The following ADAM29 variants were observed in gnomAD, a reference collection of about 807,000 sequenced individuals.
ADAM29 encodes ADAM metallopeptidase domain 29, also known as disintegrin and metalloproteinase domain-containing protein 29.
For missense variants in ADAM29, 969 were observed against 1,001.8 expected (o/e 0.97, Z 0.44); for synonymous variants, 367 against 342.3 (o/e 1.07, Z -0.80).
chr4:174,961,462 T>G (rs935869105), intron 4 of ADAM29, among the ~76,000 whole-genome samples: 12 of 152,014 alleles, frequency 7.9e-5, no homozygotes, highest in Admixed American at 6.6e-4. Context: ...ATGACCCACA[T>G]AGTTACAATG....
At chr4:174,949,255 G>A (rs1300876450) in intron 4 of ADAM29, among the ~76,000 whole-genome samples, 1 of 152,148 alleles carries the variant, frequency 6.6e-6, no homozygotes, top group Non-Finnish European at 1.5e-5. Flanking sequence ...GTCACCCTGA[G>A]GCTAAAGTCT....
At chr4:174,941,698 A>G (rs1478296508) in intron 4 of ADAM29, among the ~76,000 whole-genome samples, 1 of 152,068 alleles carries the variant, frequency 6.6e-6, no homozygotes, top group Non-Finnish European at 1.5e-5. Flanking sequence ...GATTGGGGGG[A>G]CACAGAGCCA....
Position 174,923,560 on chromosome 4 carries a change from T to TATATATATATATAG in ADAM29, c.-451+2769_-451+2770insTATATATATATAGA, listed in dbSNP as rs70947473. Among the ~76,000 whole-genome samples the TATATATATATATAG allele has an allele frequency of 1.8e-3, 206 of 115,862 alleles. 5 individuals are homozygous for TATATATATATATAG. Among genetic ancestry groups the TATATATATATATAG allele is most frequent in the Middle Eastern group, 5.5e-3 (1 of 182 alleles). 76.0% of individuals were successfully genotyped at this position (115,862 alleles called of 152,430 possible). On this transcript the variant is annotated intron_variant, in intron 2 of 4. Transcript: ENST00000359240. ...ATATATATATATATATATATATATA[T>TATATATATATATAG]ACACACACACATATATATCTTTAAA...
At chr4:174,939,099 T>C (rs1466676771) in intron 4 of ADAM29, among the ~76,000 whole-genome samples, 1 of 152,040 alleles carries the variant, frequency 6.6e-6, no homozygotes, top group Admixed American at 6.6e-5. Flanking sequence ...AACTTACTTA[T>C]CTGCAAAGAG....
At chr4:174,923,525 GTATATATATATATATATATATA>G (rs58980378) in intron 2 of ADAM29, among the ~76,000 whole-genome samples, 2 of 96,692 alleles carry the variant, frequency 2.1e-5, no homozygotes, top group East Asian at 8.3e-4. Context: ...TGCATTATAT[GTATATATATATATATATATATA>G]TATATATATA....
chr4:174,963,457 T>C (rs1745971856), intron 4 of ADAM29, among the ~76,000 whole-genome samples: 1 of 152,080 alleles, frequency 6.6e-6, no homozygotes, highest in Admixed American at 6.5e-5. Context: ...GATTCAGTGG[T>C]AAAATGACAT....
At chr4:174,940,673 G>T (rs1373474807) in intron 4 of ADAM29, among the ~76,000 whole-genome samples, 3 of 151,944 alleles carry the variant, frequency 2.0e-5, no homozygotes, top group Non-Finnish European at 2.9e-5. Flanking sequence ...GCACTTAATA[G>T]ACATCACTTC....
intron 4 of ADAM29, among the ~76,000 whole-genome samples, chr4:174,948,137 T>C (rs913074002): frequency 1.4e-4 from 21 of 152,204 alleles, no homozygotes; most frequent in African/African-American, 5.1e-4. Context: ...ATGATCCATC[T>C]ACCTTCTGAA....
intron 4 of ADAM29, among the ~76,000 whole-genome samples, chr4:174,938,941 CA>C (rs1027084763): frequency 2.6e-5 from 4 of 152,128 alleles, no homozygotes; most frequent in Admixed American, 2.0e-4. Flanking sequence ...AGCATTACTG[CA>C]GTCTTTGTCT....
chr4:174,966,250 T>C (rs1432298524), intron 4 of ADAM29, among the ~76,000 whole-genome samples: 19 of 152,210 alleles, frequency 1.2e-4, no homozygotes. Flanking sequence ...TGGTTGAATC[T>C]ATGGATGTGG....
rs372771837 is a variant in ADAM29, at chr4:174,976,722, C to A, written c.1197C>A (p.Arg399=). The part of the protein sequence containing the change: ...VHTKDIFNVK[R]CGNGVVEEGE... ...CAAAGGACATCTTTAATGTGAAGCG[C>A]TGTGGGAATGGTGTTGTTGAAGAAG... Residue 399 remains arginine (R), a synonymous_variant, in exon 5 of 5, where the codon CGC becomes CGA. Transcript: ENST00000359240. 6.2e-7 allele frequency: 1 copy of A among 1,613,756 alleles called. No homozygotes were observed. Among genetic ancestry groups the A allele is most frequent in the Non-Finnish European group, 8.5e-7 (1 of 1,179,882 alleles).
intron 4 of ADAM29, among the ~76,000 whole-genome samples, chr4:174,941,701 C>T (rs138206263): frequency 6.6e-6 from 1 of 152,156 alleles, no homozygotes; most frequent in African/African-American, 2.4e-5. Context: ...TGGGGGGACA[C>T]AGAGCCAAAC....
rs146330904 is a variant in ADAM29 at position 174,948,303 on chromosome 4, A to G, written c.-181+11290A>G. On this transcript the variant is annotated intron_variant, in intron 4 of 4. Coordinates refer to ENST00000359240, the MANE Select transcript of ADAM29 (RefSeq NM_014269.4). ...ATCTGTCTGGGCTGATGATCCTCCC[A>G]TCTTTGAAGTTGCTGGCCTTTGGAT... Among the ~76,000 whole-genome samples, 1,261 of 152,240 alleles carry G rather than the reference A, an allele frequency of 8.3e-3. 11 individuals are homozygous for G. Among genetic ancestry groups the G allele is most frequent in the Middle Eastern group, 0.024 (7 of 294 alleles).
chr4:174,964,011 T>C (rs1216325195), intron 4 of ADAM29, among the ~76,000 whole-genome samples: 1 of 151,826 alleles, frequency 6.6e-6, no homozygotes, highest in South Asian at 2.1e-4. Context: ...TATTTATACT[T>C]CCTCTTAAGC....
At chr4:174,969,932 C>CAAT (rs924471261) in intron 4 of ADAM29, among the ~76,000 whole-genome samples, 4 of 151,832 alleles carry the variant, frequency 2.6e-5, no homozygotes, top group Admixed American at 2.6e-4. Flanking sequence ...GGATCTTGAC[C>CAAT]ATATTGCCAC....
At chr4:174,973,867 A>C (rs1017380914) in intron 4 of ADAM29, among the ~76,000 whole-genome samples, 1 of 152,140 alleles carries the variant, frequency 6.6e-6, no homozygotes, top group South Asian at 2.1e-4. Flanking sequence ...CATTTGATAG[A>C]GGGCTAGGAA....
At chr4:174,974,396 C>T (rs137900929) in intron 4 of ADAM29, among the ~76,000 whole-genome samples, 7 of 152,116 alleles carry the variant, frequency 4.6e-5, no homozygotes, top group Non-Finnish European at 4.4e-5. Context: ...TCCTCAAGTC[C>T]AAAGGTCACT....
chr4:174,928,253 C>A (rs1743629628), intron 2 of ADAM29, among the ~76,000 whole-genome samples: 1 of 152,036 alleles, frequency 6.6e-6, no homozygotes, highest in Admixed American at 6.6e-5. Context: ...GCTTTCAGAC[C>A]ATTGCATGGC....
chr4:174,948,876 C>A (rs1046102307), intron 4 of ADAM29, among the ~76,000 whole-genome samples: 1 of 152,002 alleles, frequency 6.6e-6, no homozygotes, highest in African/African-American at 2.4e-5. Context: ...GAGTTCACAT[C>A]GGCGGTGGCA....
Sources: allele counts gnomAD v4.1 joint callset (sites outside exome capture counted in the v4.1 genomes callset), GRCh38; gene constraint gnomAD v4.1.1; transcripts MANE v1.5; gene names NCBI Gene and HGNC (gene_info 2026-07-23, HGNC 2026-07-21).